The following RBFOX1 variants were observed in gnomAD, a reference collection of about 807,000 sequenced individuals.
RBFOX1 encodes the protein RNA binding fox-1 homolog 1, also known as RNA binding protein fox-1 homolog 1.
A neutral mutation model predicts 57.7 loss-of-function variants in RBFOX1; 8 were observed. That is an observed-to-expected ratio of 0.14 (90% CI 0.08 to 0.25). The LOEUF (loss-of-function observed/expected upper bound fraction) is 0.25. Among genes scored for constraint, RBFOX1 ranks in the 10% least tolerant of loss-of-function variants. RBFOX1 has a pLI of 1.00. For missense variants in RBFOX1, 611 were observed against 548.5 expected, an observed-to-expected ratio of 1.11 and a Z score of -1.14; for synonymous variants, 326 against 222.4, an observed-to-expected ratio of 1.47 and a Z score of -4.15.
At chr16:7,281,083 A>G (rs2095534808) in intron 4 of RBFOX1, among the ~76,000 whole-genome samples, 1 of 150,192 alleles carries the variant, frequency 6.7e-6, no homozygotes, top group Non-Finnish European at 1.5e-5. Flanking sequence ...GCTCACTGCA[A>G]CCTCTGCCTC....
intron 1 of RBFOX1, among the ~76,000 whole-genome samples, chr16:6,260,587 A>G (rs1214523078): frequency 6.6e-6 from 1 of 152,184 alleles, no homozygotes; most frequent in African/African-American, 2.4e-5. Flanking sequence ...AAGGCATGGC[A>G]TGCATCCAGG....
intron 4 of RBFOX1, among the ~76,000 whole-genome samples, chr16:5,882,772 C>T (rs1555556300): frequency 6.6e-6 from 1 of 152,126 alleles, no homozygotes; most frequent in Non-Finnish European, 1.5e-5. Context: ...TGACACAATA[C>T]ATTACTGCAA....
intron 4 of RBFOX1, among the ~76,000 whole-genome samples, chr16:5,999,789 AG>A (rs1408809868): frequency 1.5e-5 from 2 of 135,800 alleles, no homozygotes; most frequent in African/African-American, 5.5e-5. Flanking sequence ...TGAACCTGGG[AG>A]GCGGAGCTTG....
chr16:6,513,957 A>G (rs1398754872), intron 2 of RBFOX1, among the ~76,000 whole-genome samples: 1 of 152,128 alleles, frequency 6.6e-6, no homozygotes, highest in Non-Finnish European at 1.5e-5. Flanking sequence ...AAATAGGGAA[A>G]ATAAAGATGG....
At chr16:5,825,988 T>C (rs868652855) in intron 3 of RBFOX1, among the ~76,000 whole-genome samples, 2 of 115,570 alleles carry the variant, frequency 1.7e-5, no homozygotes, top group Admixed American at 8.8e-5. Flanking sequence ...TTCCGTAATA[T>C]GAATAAGGAA....
intron 1 of RBFOX1, among the ~76,000 whole-genome samples, chr16:6,219,189 C>T (rs1030409971): frequency 1.1e-4 from 16 of 152,128 alleles, no homozygotes; most frequent in African/African-American, 3.6e-4. Context: ...AAAATGAGGG[C>T]CGAGTGCAGT....
intron 3 of RBFOX1, among the ~76,000 whole-genome samples, chr16:7,026,247 C>A (rs2040892289): frequency 6.6e-6 from 1 of 152,126 alleles, no homozygotes; most frequent in Admixed American, 6.6e-5. Context: ...CATGAAGCTG[C>A]TGTTTTTCCT....
chr16:5,941,930 T>A (rs2059286891), intron 4 of RBFOX1, among the ~76,000 whole-genome samples: 1 of 151,706 alleles, frequency 6.6e-6, no homozygotes, highest in Non-Finnish European at 1.5e-5. Context: ...CTTTCTCCTC[T>A]ATACTAGATA....
chr16:6,920,524 T>C (rs2074236800), intron 3 of RBFOX1, among the ~76,000 whole-genome samples: 1 of 152,202 alleles, frequency 6.6e-6, no homozygotes, highest in African/African-American at 2.4e-5. Context: ...AGGGCTACCA[T>C]AACAAATGAC....
intron 4 of RBFOX1, among the ~76,000 whole-genome samples, chr16:7,396,238 C>A (rs144401855): frequency 8.5e-5 from 13 of 152,274 alleles, no homozygotes; most frequent in African/African-American, 3.1e-4. Flanking sequence ...GGCAGTACAA[C>A]TGTCTACCTG....
intron 4 of RBFOX1, among the ~76,000 whole-genome samples, chr16:7,207,770 C>G (rs1205163248): frequency 6.6e-6 from 1 of 152,140 alleles, no homozygotes; most frequent in South Asian, 2.1e-4. Flanking sequence ...CCTGTTGCAC[C>G]CAGTTCATGT....
chr16:7,471,979 C>T (rs142486517), intron 4 of RBFOX1, among the ~76,000 whole-genome samples: 2 of 151,872 alleles, frequency 1.3e-5, no homozygotes, highest in Admixed American at 1.3e-4. Context: ...GGGACTGGAT[C>T]TTTCACAGAG....
chr16:7,461,213 G>C (rs557972176), intron 4 of RBFOX1, among the ~76,000 whole-genome samples: 4 of 151,828 alleles, frequency 2.6e-5, no homozygotes, highest in Non-Finnish European at 5.9e-5. Context: ...CTGTCCCCAG[G>C]CTGGAGTGCA....
chr16:7,697,716 C>T (rs965794275), intron 14 of RBFOX1, among the ~76,000 whole-genome samples: 5 of 152,162 alleles, frequency 3.3e-5, no homozygotes, highest in Non-Finnish European at 7.3e-5. Flanking sequence ...GGTCACACTG[C>T]CTCCACACAC....
At chr16:5,625,699 A>T (rs2048330172) in intron 3 of RBFOX1, among the ~76,000 whole-genome samples, 1 of 151,564 alleles carries the variant, frequency 6.6e-6, no homozygotes, top group Non-Finnish European at 1.5e-5. Context: ...CTGGGACTAC[A>T]GGTGCCCACC....
chr16:7,202,595 C>G (rs1030980095), intron 4 of RBFOX1, among the ~76,000 whole-genome samples: 9 of 152,308 alleles, frequency 5.9e-5, no homozygotes, highest in African/African-American at 1.9e-4. Context: ...AAAGCTTCTT[C>G]TGTATTTACA....
intron 2 of RBFOX1, among the ~76,000 whole-genome samples, chr16:6,609,542 C>G (rs960111089): frequency 2.0e-5 from 3 of 152,026 alleles, no homozygotes; most frequent in East Asian, 1.9e-4. Flanking sequence ...CGGGGTTTCA[C>G]TACATTGCCC....
chr16:5,866,865 C>A (rs2057355252), intron 3 of RBFOX1, among the ~76,000 whole-genome samples: 2 of 152,192 alleles, frequency 1.3e-5, no homozygotes, highest in African/African-American at 4.8e-5. Context: ...CATGAAGCTG[C>A]TGCTGTTGCT....
intron 3 of RBFOX1, among the ~76,000 whole-genome samples, chr16:6,752,817 AT>A (rs71145286): frequency 0.92 from 135,072 of 146,998 alleles, 62,798 homozygotes; most frequent in East Asian, 0.99. Context: ...TCCTACTCCT[AT>A]TTTTTTTTTT....
Sources: allele counts gnomAD v4.1 joint callset (sites outside exome capture counted in the v4.1 genomes callset), GRCh38; gene constraint gnomAD v4.1.1; transcripts MANE v1.5; gene names NCBI Gene and HGNC (gene_info 2026-07-23, HGNC 2026-07-21).